Variants in PDGFRB observed in about 807,000 individuals in gnomAD.
PDGFRB encodes platelet-derived growth factor receptor beta.
A neutral mutation model predicts 120.2 loss-of-function variants in PDGFRB; 42 were observed. The ratio of observed to expected loss-of-function variants is 0.35; its 90% CI spans 0.27 to 0.45. The LOEUF is 0.45. Among genes scored for constraint, PDGFRB ranks in the 20% least tolerant of loss-of-function variants. The pLI is 1.00. For synonymous variants in PDGFRB, 586 were observed against 606.8 expected (o/e 0.97, Z 0.50); for missense variants, 1,149 against 1,476.3 (o/e 0.78, Z 3.63).
intron 19 of PDGFRB, 60 bp downstream of exon 19, chr5:150,119,952 G>A: frequency 1.1e-6 from 1 of 871,852 alleles, no homozygotes; most frequent in Non-Finnish European, 2.0e-6. Context: ...CCAGAGGCAT[G>A]AGTGGTCGAG....
intron 1 of PDGFRB, among the ~76,000 whole-genome samples, chr5:150,141,764 G>C (rs1043288672): frequency 6.6e-6 from 1 of 152,130 alleles, no homozygotes; most frequent in Non-Finnish European, 1.5e-5. Flanking sequence ...ATGTGTGTGT[G>C]TGTGTACACG....
At chr5:150,141,756 G>A (rs1760790441) in intron 1 of PDGFRB, among the ~76,000 whole-genome samples, 1 of 151,194 alleles carries the variant, frequency 6.6e-6, no homozygotes, top group African/African-American at 2.4e-5. Flanking sequence ...AGAAGTGTAT[G>A]TGTGTGTGTG....
intron 1 of PDGFRB, among the ~76,000 whole-genome samples, chr5:150,140,257 A>G (rs1023647287): frequency 5.9e-5 from 9 of 152,184 alleles, no homozygotes; most frequent in Non-Finnish European, 1.2e-4. Context: ...AGGCCCAGGC[A>G]GCTGACTTGG....
rs1025377618 is a variant in PDGFRB at position 150,114,477 on chromosome 5, C to T, written c.*1286G>A. On this transcript the variant is annotated 3_prime_UTR_variant, in exon 23 of 23. Coordinates refer to ENST00000261799, the MANE Select transcript of PDGFRB (RefSeq NM_002609.4). ...CTTTGTCCCTTTTGCCCAGGATACC[C>T]CCGGAGGTCATCGTGGGTAGTGAAA... 1.3e-5 allele frequency: 3 copies of T among 233,346 alleles called. No individual in the cohort carries two copies. The highest frequency in any genetic ancestry group is 1.2e-3 in the Middle Eastern group (1 of 810). The allele number at this position is 233,346 out of a possible 1,614,324, so 14.5% of individuals were successfully genotyped here.
intron 1 of PDGFRB, among the ~76,000 whole-genome samples, chr5:150,142,443 G>A (rs916899231): frequency 2.0e-5 from 3 of 152,196 alleles, no homozygotes; most frequent in Non-Finnish European, 4.4e-5. Context: ...AGACTCAGAG[G>A]AGGTAATTTG....
intron 10 of PDGFRB, among the ~76,000 whole-genome samples, chr5:150,129,467 C>G (rs780731174): frequency 6.6e-6 from 1 of 152,096 alleles, no homozygotes; most frequent in African/African-American, 2.4e-5. Flanking sequence ...GTTCAAGGAA[C>G]AGGCATGCTC....
Position 150,125,508 on chromosome 5 carries a change from C to T in PDGFRB, c.1744G>A (p.Val582Met), listed in dbSNP as rs1296812685. The T allele has an allele frequency of 1.2e-6, 2 of 1,613,740 alleles. No individual in the cohort carries two copies. The highest frequency in any genetic ancestry group is 1.7e-5 in the Admixed American group (1 of 59,996). ...TCATAGGGCAGCTGCATGGGGTCCA[C>T]GTAGATGTACTCATGGCCGTCAGAG... ...VSSDGHEYIY[V>M]DPMQLPYDST... Residue 582 changes from valine (V) to methionine (M), a missense_variant, in exon 12 of 23, where the codon GTG (valine) becomes ATG (methionine). Around this residue, in one of 3 missense-constraint regions of PDGFRB, gnomAD observed 879 missense variants for 1,108.6 expected, o/e 0.79. Coordinates refer to ENST00000261799, the MANE Select transcript of PDGFRB (RefSeq NM_002609.4).
Position 150,132,966 on chromosome 5 carries a change from C to A in PDGFRB, c.935-24G>T, listed in dbSNP as rs745383556. ...CTCTGCAAGGGGTGACCGTCAGGGGCGGGGCCCTGGGGGCAGGGCACCAAC... is the reference window on the plus strand; with the variant it reads ...CTCTGCAAGGGGTGACCGTCAGGGGAGGGGCCCTGGGGGCAGGGCACCAAC... On this transcript the variant is annotated intron_variant, in intron 6 of 22. Coordinates refer to ENST00000261799, the MANE Select transcript of PDGFRB (RefSeq NM_002609.4). This position sits in a 1 kb window ranked among gnomAD's most constrained non-coding sequence, Gnocchi z 5.0. 2.0e-6 allele frequency: 3 copies of A among 1,523,382 alleles called. No homozygotes were observed. The South Asian group carries it at 3.6e-5, about 18-fold the overall frequency. The allele number at this position is 1,523,382 out of a possible 1,614,324, so 94.4% of individuals were successfully genotyped here. A position where few individuals can be genotyped will look rare whatever the true frequency, so the allele number is the denominator to read the frequency against.
intron 10 of PDGFRB, among the ~76,000 whole-genome samples, chr5:150,128,981 C>G (rs2304058): frequency 0.49 from 74,826 of 152,036 alleles, 19,432 homozygotes; most frequent in South Asian, 0.63. Context: ...GGACGGGCAG[C>G]TAGATACACA....
intron 22 of PDGFRB, 97 bp downstream of exon 22, chr5:150,117,521 C>A (rs1759975346): frequency 2.9e-6 from 2 of 701,398 alleles, no homozygotes; most frequent in Admixed American, 2.4e-5. Flanking sequence ...CTGAGGCAAA[C>A]CTGGCAGCGC....
chr5:150,124,629 G>A lies in PDGFRB; in HGVS notation c.1912+98C>T, dbSNP rs1580799816. ...CAGTGTGATGGCCCCTCTAGTGCCT[G>A]CAAATCAGCATCAGGCCACCCTGGG... On this transcript the variant is annotated intron_variant, in intron 13 of 22. Coordinates refer to ENST00000261799, the MANE Select transcript of PDGFRB (RefSeq NM_002609.4). The A allele has an allele frequency of 9.2e-6, 6 of 653,096 alleles. No homozygotes were observed. The East Asian group carries it at 1.6e-4, about 18-fold the overall frequency. The allele number at this position is 653,096 out of a possible 1,614,324, so 40.5% of individuals were successfully genotyped here.
At chr5:150,137,195 C>A (rs1307159717) in intron 1 of PDGFRB, 142 bp from the exon 2 acceptor site, 4 of 626,470 alleles carry the variant, frequency 6.4e-6, no homozygotes, top group Non-Finnish European at 1.1e-5. Flanking sequence ...AAAGCCACCA[C>A]GTCCCAAGCC....
chr5:150,119,420 A>G (rs367957282), intron 20 of PDGFRB, 47 bp downstream of exon 20: 4 of 1,053,944 alleles, frequency 3.8e-6, no homozygotes, highest in Non-Finnish European at 6.0e-6. Flanking sequence ...TTGGATATCT[A>G]TTGTTTGCAG....
chr5:150,126,725 G>A (rs568070909), intron 10 of PDGFRB, 111 bp from the exon 11 acceptor site: 9 of 701,386 alleles, frequency 1.3e-5, no homozygotes, highest in East Asian at 2.6e-5. Flanking sequence ...GAATAGAAGC[G>A]CCCACCTCCC....
intron 2 of PDGFRB, 70 bp downstream of exon 2, chr5:150,136,938 C>T (rs1760648763): frequency 8.4e-7 from 1 of 1,191,522 alleles, no homozygotes. Context: ...CAGCACACAT[C>T]ACCCCTGCCA....
chr5:150,138,737 G>A (rs957761627), intron 1 of PDGFRB, among the ~76,000 whole-genome samples: 3 of 152,170 alleles, frequency 2.0e-5, no homozygotes, highest in East Asian at 1.9e-4. Context: ...AGGGAGCAGC[G>A]CCAAGGCGGA....
intron 4 of PDGFRB, 131 bp downstream of exon 4, chr5:150,134,619 T>C (rs191248267): frequency 1.9e-5 from 16 of 828,564 alleles, no homozygotes; most frequent in African/African-American, 3.4e-5. Flanking sequence ...GAAAACACTA[T>C]CTTCCTTCGA....
rs767721121 is a variant in PDGFRB, at chr5:150,132,135, C to T, written c.1128-41G>A. 1.0e-5 allele frequency: 11 copies of T among 1,057,554 alleles called. No homozygotes were observed. Among genetic ancestry groups the T allele is most frequent in the Non-Finnish European group, 1.6e-5 (11 of 676,710 alleles). The allele number at this position is 1,057,554 out of a possible 1,614,324, so 65.5% of individuals were successfully genotyped here. A position where few individuals can be genotyped will look rare whatever the true frequency, so the allele number is the denominator to read the frequency against. The stretch of plus-strand genomic sequence containing the variant: ...GGCAGCTGTCAGAGTCGGAAGGACT[C>T]TTACAGTTCTCCCCACCCTCCTGGT... On this transcript the variant is annotated intron_variant, in intron 7 of 22. Transcript: ENST00000261799. This position sits in a 1 kb window ranked among gnomAD's most constrained non-coding sequence, Gnocchi z 5.0.
intron 10 of PDGFRB, among the ~76,000 whole-genome samples, chr5:150,129,102 G>A (rs1487291835): frequency 6.6e-6 from 1 of 152,222 alleles, no homozygotes; most frequent in African/African-American, 2.4e-5. Flanking sequence ...CGGGAATTAT[G>A]CTTGTACACT....
Sources: gnomAD v4.1 joint callset for allele counts (sites outside exome capture counted in the v4.1 genomes callset) on GRCh38, gnomAD v4.1.1 for gene constraint, gnomAD v4.1.1 regional missense constraint, Gnocchi (gnomAD v3.1) non-coding constraint, MANE v1.5 for transcripts, NCBI Gene and HGNC (gene_info 2026-07-23, HGNC 2026-07-21) for gene names.